Variants in LPCAT4 observed in about 807,000 individuals in gnomAD.
LPCAT4 encodes the protein lysophosphatidylcholine acyltransferase 4.
In LPCAT4, 30 loss-of-function variants were observed where a neutral mutation model predicts 66.5. That is an observed-to-expected ratio of 0.45 (90% CI 0.34 to 0.61). The LOEUF is 0.61. LPCAT4 is among the 20% of genes least tolerant of loss of function. LPCAT4 has a pLI of 0.01. For synonymous variants in LPCAT4, 253 were observed against 262.1 expected, an observed-to-expected ratio of 0.97 and a Z score of 0.34; for missense variants, 557 against 656.7, an observed-to-expected ratio of 0.85 and a Z score of 1.66.
intron 4 of LPCAT4, 55 bp from the exon 5 acceptor site, chr15:34,364,128 G>A (rs1891013615): frequency 6.3e-7 from 1 of 1,597,082 alleles, no homozygotes; most frequent in African/African-American, 1.3e-5. Context: ...GCTGTGGAGA[G>A]AGGAAAGGGA....
In LPCAT4 at chr15:34,358,934, T is replaced by C. The variant is rs1890873624; in HGVS notation, c.*193A>G. 1 of 255,142 alleles carries C rather than the reference T, an allele frequency of 3.9e-6. No individual in the cohort carries two copies. The highest frequency in any genetic ancestry group is 7.2e-6 in the Non-Finnish European group (1 of 139,670). The allele number at this position is 255,142 out of a possible 1,614,324, so 15.8% of individuals were successfully genotyped here. A position where few individuals can be genotyped will look rare whatever the true frequency, so the allele number is the denominator to read the frequency against. On this transcript the variant is annotated 3_prime_UTR_variant, in exon 14 of 14. Coordinates refer to ENST00000314891, the MANE Select transcript of LPCAT4 (RefSeq NM_153613.3). The stretch of plus-strand genomic sequence containing the variant: ...TGGACTTCATTTTTTTTAATAGATA[T>C]AGATATAGATTTATATTTATATATA...
At chr15:34,365,481 TTTC>T (rs1302958883) in intron 2 of LPCAT4, 75 bp downstream of exon 2, 15 of 1,585,324 alleles carry the variant, frequency 9.5e-6, no homozygotes, top group Admixed American at 1.7e-5. Flanking sequence ...AATGCTCTCT[TTTC>T]TTCTTCTCAA....
At chr15:34,364,590 A>ATT (rs59218958) in intron 3 of LPCAT4, 157 of 155,894 alleles carry the variant, frequency 1.0e-3, no homozygotes, top group Middle Eastern at 5.1e-3. Flanking sequence ...CGCCCGGCTA[A>ATT]TTTTTTTTTT....
At chr15:34,361,298 A>G in intron 11 of LPCAT4, 102 bp downstream of exon 11, 6 of 1,548,382 alleles carry the variant, frequency 3.9e-6, no homozygotes, top group Non-Finnish European at 5.2e-6. Context: ...GAGAACATCC[A>G]CTGAGGACTC....
Position 34,365,210 on chromosome 15 carries a change from C to T in LPCAT4, c.276G>A (p.Gly92=). The T allele has an allele frequency of 1.2e-6, 2 of 1,608,952 alleles. No homozygotes were observed. Among genetic ancestry groups the T allele is most frequent in the Non-Finnish European group, 8.5e-7 (1 of 1,177,942 alleles). Residue 92 remains glycine (G), a synonymous_variant, in exon 3 of 14, where the codon GGG becomes GGA. Transcript: ENST00000314891. The part of the protein sequence containing the change: ...TGWRKTVCHN[G]VLGLSRLLFF... ...ACAGCAGGCGGCTCAGGCCTAGCAC[C>T]CCGTTGTGGCACACAGTCCTGCCAG...
In LPCAT4 at chr15:34,363,486, G is replaced by A. The variant is rs537015655; in HGVS notation, c.712-30C>T. The A allele has an allele frequency of 1.2e-6, 2 of 1,613,906 alleles. No homozygotes were observed. The highest frequency in any genetic ancestry group is 1.1e-5 in the South Asian group (1 of 91,056). ...GGGAGAAACACAGGTGAGGGCATAA[G>A]AGCATTACTTTTTCCCCCTGGAACT... On this transcript the variant is annotated intron_variant, in intron 6 of 13. Transcript: ENST00000314891. This position sits in a 1 kb window ranked among gnomAD's most constrained non-coding sequence, Gnocchi z 4.3.
In LPCAT4 at chr15:34,363,901, C is replaced by T. The variant is rs1045257019; in HGVS notation, c.652+112G>A. On this transcript the variant is annotated intron_variant, in intron 5 of 13. Coordinates refer to ENST00000314891, the MANE Select transcript of LPCAT4 (RefSeq NM_153613.3). The surrounding 1 kb of genome is among the most constrained non-coding windows in gnomAD (Gnocchi z 4.3). ...CATTAGCTAGGAGGTTCCTGGTCTCCCTTCCTCTCCCATCCCTCCCCCTCT... is the reference window on the plus strand; with the variant it reads ...CATTAGCTAGGAGGTTCCTGGTCTCTCTTCCTCTCCCATCCCTCCCCCTCT... The T allele has an allele frequency of 2.6e-5, 35 of 1,326,148 alleles. No homozygotes were observed. Among genetic ancestry groups the T allele is most frequent in the Non-Finnish European group, 3.4e-5 (32 of 932,734 alleles). The allele number at this position is 1,326,148 out of a possible 1,614,324, so 82.1% of individuals were successfully genotyped here.
Position 34,364,843 on chromosome 15 carries a change from A to C in LPCAT4, c.478+165T>G, listed in dbSNP as rs1891038304. ...CCCTCCAACACCTTCTCTCTGTCCC[A>C]GCCCTCAGAATCTAAGACTGGTTGA... On this transcript the variant is annotated intron_variant, in intron 3 of 13. Transcript: ENST00000314891. 6.4e-6 allele frequency: 4 copies of C among 625,090 alleles called. No individual in the cohort carries two copies. In the South Asian group the frequency reaches 8.3e-5, roughly 13 times the overall value. 38.7% of individuals were successfully genotyped at this position (625,090 alleles called of 1,614,324 possible). A position where few individuals can be genotyped will look rare whatever the true frequency, so the allele number is the denominator to read the frequency against.
At chr15:34,362,925 G>T in intron 7 of LPCAT4, 89 bp from the exon 8 acceptor site, 1 of 1,324,094 alleles carries the variant, frequency 7.6e-7, no homozygotes, top group Non-Finnish European at 1.1e-6. Context: ...CCCCAACCCA[G>T]GTGGGGAGTG....
rs1315675677 is a variant in LPCAT4, at chr15:34,367,116, G to A, written c.-16C>T. ...CCTGGCTCATGGCGGGAGAAGGTGG[G>A]AGGGAGGGCACCCCGGCCCTGGCCC... On this transcript the variant is annotated 5_prime_UTR_variant, in exon 1 of 14. Coordinates refer to ENST00000314891, the MANE Select transcript of LPCAT4 (RefSeq NM_153613.3). The A allele has an allele frequency of 6.5e-6, 10 of 1,530,130 alleles. No individual in the cohort carries two copies. Among genetic ancestry groups the A allele is most frequent in the African/African-American group, 2.8e-5 (2 of 72,390 alleles). The allele number at this position is 1,530,130 out of a possible 1,614,324, so 94.8% of individuals were successfully genotyped here. A position where few individuals can be genotyped will look rare whatever the true frequency, so the allele number is the denominator to read the frequency against.
In LPCAT4 at chr15:34,363,866, G is replaced by C. The variant is rs546042467; in HGVS notation, c.652+147C>G. On this transcript the variant is annotated intron_variant, in intron 5 of 13. Coordinates refer to ENST00000314891, the MANE Select transcript of LPCAT4 (RefSeq NM_153613.3). The surrounding 1 kb of genome is among the most constrained non-coding windows in gnomAD (Gnocchi z 4.3). ...TTGATAATTTTCTCTCTGACTCCTC[G>C]ACTTGACAGCATTAGCTAGGAGGTT... 2 of 1,276,536 alleles carry C rather than the reference G, an allele frequency of 1.6e-6. No homozygotes were observed. The highest frequency in any genetic ancestry group is 1.3e-5 in the South Asian group (1 of 79,150). 79.1% of individuals were successfully genotyped at this position (1,276,536 alleles called of 1,614,324 possible).
rs1374245141 is a variant in LPCAT4 at position 34,364,279 on chromosome 15, A to G, written c.506T>C (p.Leu169Pro). The change falls in exon 4 of 14, where the codon CTG becomes CCG. Residue 169 changes from leucine to proline, a missense_variant. Coordinates refer to ENST00000314891, the MANE Select transcript of LPCAT4 (RefSeq NM_153613.3). ...GALLRFNQAILVSRHDPASRR... is the reference protein window; with the variant it reads ...GALLRFNQAIPVSRHDPASRR... ...AGAAGCCGGGTCATGCCGGGATACC[A>G]GGATGGCTTGGTTGAATCGAAGAAG... is the stretch of plus-strand genomic sequence containing the variant. 4 of 1,614,030 alleles carry G rather than the reference A, an allele frequency of 2.5e-6. No individual in the cohort carries two copies. Among genetic ancestry groups the G allele is most frequent in the Admixed American group, 3.3e-5 (2 of 60,022 alleles).
intron 3 of LPCAT4, 175 bp from the exon 4 acceptor site, chr15:34,364,481 T>C: frequency 1.8e-6 from 1 of 547,132 alleles, no homozygotes; most frequent in South Asian, 2.2e-5. Flanking sequence ...TGGAGTGCAA[T>C]GGCTCGATCT....
chr15:34,363,414 G>A lies in LPCAT4; in HGVS notation c.746+8C>T. On this transcript the variant is annotated splice_region_variant and intron_variant, in intron 7 of 13. Coordinates refer to ENST00000314891, the MANE Select transcript of LPCAT4 (RefSeq NM_153613.3). This position sits in a 1 kb window ranked among gnomAD's most constrained non-coding sequence, Gnocchi z 4.3. Reference sequence around the variant, plus strand: ...CCCACCCTCACCCCCAGGAATACCAGAACTCACACTCCAGGACCCCTCCAT... The same window carrying A: ...CCCACCCTCACCCCCAGGAATACCAAAACTCACACTCCAGGACCCCTCCAT... 10 of 1,613,792 alleles carry A rather than the reference G, an allele frequency of 6.2e-6. No individual in the cohort carries two copies. The highest frequency in any genetic ancestry group is 8.5e-6 in the Non-Finnish European group (10 of 1,179,898).
At chr15:34,364,870 T>A (rs1420150954) in intron 3 of LPCAT4, 138 bp downstream of exon 3, 2 of 681,564 alleles carry the variant, frequency 2.9e-6, no homozygotes, top group Non-Finnish European at 5.0e-6. Flanking sequence ...ACTGGTTGAC[T>A]AATGGTGTTA....
At position 34,359,694 on chromosome 15, in the gene LPCAT4, C is replaced by T. The variant is rs199781936; in HGVS notation, c.1294G>A (p.Gly432Ser). 5.8e-5 allele frequency: 94 copies of T among 1,613,636 alleles called. No homozygotes were observed. Among genetic ancestry groups the T allele is most frequent in the Non-Finnish European group, 7.4e-5 (87 of 1,179,998 alleles). The change falls in exon 13 of 14, where the codon GGC becomes AGC. Residue 432 changes from glycine (G) to serine (S), a missense_variant. Gly to Ser is a moderately conservative substitution (Grantham distance 56, BLOSUM62 0). Transcript: ENST00000314891. ...EGPNRLLYKD[G>S]FSTILHLLLG... ...AGCAGGTGCAGGATGGTGCTGAAGCCGTCTTTGTACAGCAGGCGGTTGGGA... is the reference window on the plus strand; with the variant it reads ...AGCAGGTGCAGGATGGTGCTGAAGCTGTCTTTGTACAGCAGGCGGTTGGGA...
At position 34,363,355 on chromosome 15, in the gene LPCAT4, A is replaced by C. The variant is rs1890994606; in HGVS notation, c.746+67T>G. Reference sequence around the variant, plus strand: ...CCATTCACCTTGTCGGGAGATTGGAAGATGGGCCAGGAATTCTCTGATGGA... The same window carrying C: ...CCATTCACCTTGTCGGGAGATTGGACGATGGGCCAGGAATTCTCTGATGGA... On this transcript the variant is annotated intron_variant, in intron 7 of 13. Coordinates refer to ENST00000314891, the MANE Select transcript of LPCAT4 (RefSeq NM_153613.3). The surrounding 1 kb of genome is among the most constrained non-coding windows in gnomAD (Gnocchi z 4.3). 2 of 1,544,860 alleles carry C rather than the reference A, an allele frequency of 1.3e-6. No homozygotes were observed. The highest frequency in any genetic ancestry group is 1.8e-5 in the Admixed American group (1 of 54,906).
chr15:34,362,210 C>A lies in LPCAT4; in HGVS notation c.996G>T (p.Val332=), dbSNP rs761078162. ...AGACCACTTACCCAGCCTTCCGAAG[C>A]ACTTTTCCCAGTTCCCAGAGCTGTG... ...LEPQLWELGK[V]LRKAGLSAGY... is the part of the protein sequence containing the mutation. The change falls in exon 10 of 14, where the codon GTG becomes GTT. Residue 332 remains valine (V), a synonymous_variant. Coordinates refer to ENST00000314891, the MANE Select transcript of LPCAT4 (RefSeq NM_153613.3). 2 of 1,614,012 alleles carry A rather than the reference C, an allele frequency of 1.2e-6. No individual in the cohort carries two copies. Among genetic ancestry groups the A allele is most frequent in the Non-Finnish European group, 1.7e-6 (2 of 1,180,004 alleles).
Position 34,364,229 on chromosome 15 carries a change from G to C in LPCAT4, c.556C>G (p.Arg186Gly), listed in dbSNP as rs1430239159. ...ASRRRVVEEV[R>G]RRATSGGKWP... ...TTGCCTCCTGAGGTGGCCCGCCTTC[G>C]GACCTCCTCCACCACTCTGCGTCGA... The change falls in exon 4 of 14, where the codon CGA becomes GGA. Residue 186 changes from arginine (R) to glycine (G), a missense_variant. This residue lies in a region of LPCAT4 where 392 missense variants were observed against 473.9 expected (regional missense o/e 0.83). Coordinates refer to ENST00000314891, the MANE Select transcript of LPCAT4 (RefSeq NM_153613.3). 2 of 1,613,958 alleles carry C rather than the reference G, an allele frequency of 1.2e-6. No homozygotes were observed. Among genetic ancestry groups the C allele is most frequent in the East Asian group, 2.2e-5 (1 of 44,878 alleles).
Sources: gnomAD v4.1 joint callset for allele counts on GRCh38, gnomAD v4.1.1 for gene constraint, gnomAD v4.1.1 regional missense constraint, Gnocchi (gnomAD v3.1) non-coding constraint, MANE v1.5 for transcripts, NCBI Gene and HGNC (gene_info 2026-07-23, HGNC 2026-07-21) for gene names.